The following GALNT2 variants were observed in gnomAD, a reference collection of about 807,000 sequenced individuals.
GALNT2 encodes the protein UDP-GalNAc:polypeptide N-acetylgalactosaminyltransferase 2.
A neutral mutation model predicts 81.4 loss-of-function variants in GALNT2; 31 were observed. The ratio of observed to expected loss-of-function variants is 0.38; its 90% CI spans 0.29 to 0.51. The LOEUF (loss-of-function observed/expected upper bound fraction) is 0.51. GALNT2 is among the 20% of genes least tolerant of loss of function. The pLI, the probability that GALNT2 is intolerant of heterozygous loss-of-function variation, is 0.87. For missense variants in GALNT2, 629 were observed against 765.7 expected, an observed-to-expected ratio of 0.82 and a Z score of 2.11; for synonymous variants, 303 against 287.4, an observed-to-expected ratio of 1.05 and a Z score of -0.55.
In GALNT2 at chr1:230,120,098, G is replaced by A. The variant is rs565963717; in HGVS notation, c.126+52692G>A. Among the ~76,000 whole-genome samples the A allele has an allele frequency of 2.0e-4, 30 of 151,300 alleles. No homozygotes were observed. In the South Asian group the frequency reaches 3.6e-3, roughly 18 times the overall value. Reference sequence around the variant, plus strand: ...TCCCCTGTGCCCTCGGCACCTGGCCGGAGCATCTCCAAGCGTCTGCCACCA... The same window carrying A: ...TCCCCTGTGCCCTCGGCACCTGGCCAGAGCATCTCCAAGCGTCTGCCACCA... On this transcript the variant is annotated intron_variant, in intron 1 of 15. Coordinates refer to ENST00000366672, the MANE Select transcript of GALNT2 (RefSeq NM_004481.5).
At chr1:230,144,805 A>G (rs188848100) in intron 1 of GALNT2, among the ~76,000 whole-genome samples, 29 of 152,178 alleles carry the variant, frequency 1.9e-4, no homozygotes, top group Admixed American at 1.8e-3. Context: ...AGGGATTTGA[A>G]GAGCAACTAT....
chr1:230,201,880 C>A (rs1340007796), intron 2 of GALNT2, among the ~76,000 whole-genome samples: 2 of 152,174 alleles, frequency 1.3e-5, no homozygotes, highest in East Asian at 3.9e-4. Flanking sequence ...CTAGGCCTTA[C>A]CAGACCACCC....
rs191819981 is a variant in GALNT2, at chr1:230,095,557, C to T, written c.126+28151C>T. On this transcript the variant is annotated intron_variant, in intron 1 of 15. Coordinates refer to ENST00000366672, the MANE Select transcript of GALNT2 (RefSeq NM_004481.5). Reference sequence around the variant, plus strand: ...TCTCCAGATGAGGTTTGAAGAGTTCCGAAGTGGAACGTCTTTCTGGGTTGG... The same window carrying T: ...TCTCCAGATGAGGTTTGAAGAGTTCTGAAGTGGAACGTCTTTCTGGGTTGG... Among the ~76,000 whole-genome samples, 10 of 134,866 alleles carry T rather than the reference C, an allele frequency of 7.4e-5. No homozygotes were observed. The South Asian group carries it at 7.9e-4, about 11-fold the overall frequency. The allele number at this position is 134,866 out of a possible 152,430, so 88.5% of individuals were successfully genotyped here.
intron 1 of GALNT2, among the ~76,000 whole-genome samples, chr1:230,068,650 G>C (rs766650122): frequency 6.6e-6 from 1 of 152,158 alleles, no homozygotes; most frequent in East Asian, 1.9e-4. Context: ...CTGCTTCAGA[G>C]GTTTTTTCTT....
chr1:230,131,525 C>T (rs1236563724), intron 1 of GALNT2, among the ~76,000 whole-genome samples: 1 of 152,144 alleles, frequency 6.6e-6, no homozygotes, highest in Non-Finnish European at 1.5e-5. Context: ...CTTTAAAAAC[C>T]CTTACCTGTA....
chr1:230,141,889 T>C (rs1661751695), intron 1 of GALNT2, among the ~76,000 whole-genome samples: 1 of 147,064 alleles, frequency 6.8e-6, no homozygotes, highest in Non-Finnish European at 1.5e-5. Flanking sequence ...ACGCCTGGGC[T>C]TATTTTCCCG....
At chr1:230,250,641 A>G in intron 10 of GALNT2, 81 bp downstream of exon 10, 1 of 970,816 alleles carries the variant, frequency 1.0e-6, no homozygotes. Flanking sequence ...AAAAAAATTT[A>G]AAAGGCTTCA....
chr1:230,113,863 T>C, intron 1 of GALNT2, among the ~76,000 whole-genome samples: 1 of 152,088 alleles, frequency 6.6e-6, no homozygotes, highest in East Asian at 1.9e-4. Context: ...GTTCTGCCTG[T>C]GACTCAATGG....
At chr1:230,157,287 A>G (rs896016872) in intron 1 of GALNT2, among the ~76,000 whole-genome samples, 10 of 152,160 alleles carry the variant, frequency 6.6e-5, no homozygotes, top group Admixed American at 2.6e-4. Context: ...GCATTATGTC[A>G]CTATACACCT....
At chr1:230,158,688 A>G (rs2102844083) in intron 1 of GALNT2, among the ~76,000 whole-genome samples, 1 of 152,272 alleles carries the variant, frequency 6.6e-6, no homozygotes, top group South Asian at 2.1e-4. Context: ...CCTCCACGTA[A>G]ACCAAGTCAG....
chr1:230,254,863 T>C (rs1665660714), intron 10 of GALNT2, among the ~76,000 whole-genome samples: 1 of 152,264 alleles, frequency 6.6e-6, no homozygotes, highest in East Asian at 1.9e-4. Context: ...GTAGTTACGA[T>C]GATACTGGGG....
At chr1:230,074,340 A>G (rs535184498) in intron 1 of GALNT2, among the ~76,000 whole-genome samples, 1 of 152,236 alleles carries the variant, frequency 6.6e-6, no homozygotes, top group Admixed American at 6.5e-5. Flanking sequence ...TGGCCTCCCA[A>G]AGCATTGGGA....
intron 1 of GALNT2, among the ~76,000 whole-genome samples, chr1:230,120,319 G>T (rs1283054217): frequency 7.0e-6 from 1 of 143,602 alleles, no homozygotes; most frequent in Non-Finnish European, 1.5e-5. Context: ...TCCAGGACGT[G>T]CCTATCAGGA....
upstream of GALNT2, among the ~76,000 whole-genome samples, chr1:230,066,756 C>T (rs138786113): frequency 9.5e-3 from 1,445 of 152,354 alleles, 9 homozygotes; most frequent in Non-Finnish European, 0.015. Context: ...ACCGAGGCCA[C>T]TACCGCCCCC....
At chr1:230,276,938 G>A (rs2102784754) in intron 15 of GALNT2, among the ~76,000 whole-genome samples, 1 of 152,328 alleles carries the variant, frequency 6.6e-6, no homozygotes, top group East Asian at 1.9e-4. Flanking sequence ...ATGTAACGGA[G>A]CAGAGATGTC....
At chr1:230,174,533 C>T (rs534672697) in intron 1 of GALNT2, among the ~76,000 whole-genome samples, 4 of 152,250 alleles carry the variant, frequency 2.6e-5, no homozygotes, top group African/African-American at 9.6e-5. Context: ...CATTTCTTCT[C>T]GGTGGACATC....
At chr1:230,089,303 T>C (rs1172285850) in intron 1 of GALNT2, among the ~76,000 whole-genome samples, 1 of 151,868 alleles carries the variant, frequency 6.6e-6, no homozygotes, top group African/African-American at 2.4e-5. Flanking sequence ...CACACCACCA[T>C]GCCCGGCTGT....
intron 2 of GALNT2, among the ~76,000 whole-genome samples, chr1:230,187,270 C>G (rs568159041): frequency 6.6e-6 from 1 of 152,250 alleles, no homozygotes; most frequent in African/African-American, 2.4e-5. Context: ...CTCCCACACA[C>G]ATATGTATTA....
At chr1:230,209,075 G>GT (rs773844190) in intron 3 of GALNT2, among the ~76,000 whole-genome samples, 72 of 149,492 alleles carry the variant, frequency 4.8e-4, no homozygotes, top group Non-Finnish European at 9.4e-4. Context: ...TTGTTTTTTT[G>GT]TTTTTTCTGT....
Sources: allele counts gnomAD v4.1 joint callset (sites outside exome capture counted in the v4.1 genomes callset), GRCh38; gene constraint gnomAD v4.1.1; transcripts MANE v1.5; gene names NCBI Gene and HGNC (gene_info 2026-07-23, HGNC 2026-07-21).